Variants in HNRNPDL observed in about 807,000 individuals in gnomAD.
HNRNPDL encodes the protein heterogeneous nuclear ribonucleoprotein D like, also known as heterogeneous nuclear ribonucleoprotein D-like.
HNRNPDL carries 18 observed loss-of-function variants against 48.0 expected under a neutral mutation model. That is an observed-to-expected ratio of 0.38 (90% CI 0.26 to 0.56). HNRNPDL has a LOEUF of 0.56. HNRNPDL is among the 20% of genes least tolerant of loss of function. The pLI is 0.77. For missense variants in HNRNPDL, 553 were observed against 540.7 expected, an observed-to-expected ratio of 1.02 and a Z score of -0.23; for synonymous variants, 306 against 207.3, an observed-to-expected ratio of 1.48 and a Z score of -4.09.
At position 82,428,089 on chromosome 4, in the gene HNRNPDL, C is replaced by A; in HGVS notation, c.703G>T (p.Val235Phe). The A allele has an allele frequency of 6.2e-7, 1 of 1,614,100 alleles. No homozygotes were observed. The highest frequency in any genetic ancestry group is 8.5e-7 in the Non-Finnish European group (1 of 1,179,952). ...TCCGGGCTCAATCCACCCACAAAAACCTTTTTGGGAGGTTCTTTCCCTTTT... is the reference window on the plus strand; with the variant it reads ...TCCGGGCTCAATCCACCCACAAAAAACTTTTTGGGAGGTTCTTTCCCTTTT... ...ALKGKEPPKKVFVGGLSPDTS... is the reference protein window; with the variant it reads ...ALKGKEPPKKFFVGGLSPDTS... The change falls in exon 3 of 8, where the codon GTT becomes TTT. Residue 235 changes from valine (V) to phenylalanine (F), a missense_variant. By Grantham distance (50) the Val-to-Phe change is conservative. Coordinates refer to ENST00000295470, the MANE Select transcript of HNRNPDL (RefSeq NM_031372.4).
Position 82,429,739 on chromosome 4 carries a change from T to C in HNRNPDL, c.-49A>G, listed in dbSNP as rs1464199898. ...AGGCCACGCGTGAGGGGACGCGGGC[T>C]TGGGAGAAGAGAAGAATCAGAAGAG... is the stretch of plus-strand genomic sequence containing the variant. On this transcript the variant is annotated 5_prime_UTR_variant, in exon 1 of 8. Transcript: ENST00000295470. 1 of 1,287,672 alleles carries C rather than the reference T, an allele frequency of 7.8e-7. No homozygotes were observed. The allele number at this position is 1,287,672 out of a possible 1,614,324, so 79.8% of individuals were successfully genotyped here. A position where few individuals can be genotyped will look rare whatever the true frequency, so the allele number is the denominator to read the frequency against.
Position 82,429,569 on chromosome 4 carries a change from A to T in HNRNPDL, c.122T>A (p.Leu41His). Residue 41 changes from leucine (L) to histidine (H), a missense_variant, in exon 1 of 8, where the codon CTC becomes CAC. By Grantham distance (99) the Leu-to-His change is moderately conservative (BLOSUM62 -3). Transcript: ENST00000295470. ...RPRPPRQLAP[L>H]LPSLAPSSAR... Reference sequence around the variant, plus strand: ...GGAGCTGGGAGCGAGCGAAGGGAGGAGCGGGGCTAGCTGCCGCGGCGGCCG... The same window carrying T: ...GGAGCTGGGAGCGAGCGAAGGGAGGTGCGGGGCTAGCTGCCGCGGCGGCCG... The T allele has an allele frequency of 7.1e-7, 1 of 1,414,492 alleles. No individual in the cohort carries two copies. The highest frequency in any genetic ancestry group is 9.2e-7 in the Non-Finnish European group (1 of 1,089,556). The allele number at this position is 1,414,492 out of a possible 1,614,324, so 87.6% of individuals were successfully genotyped here. A position where few individuals can be genotyped will look rare whatever the true frequency, so the allele number is the denominator to read the frequency against.
chr4:82,428,778 TCTCAG>T (rs1018998123), intron 1 of HNRNPDL, among the ~76,000 whole-genome samples: 1 of 152,218 alleles, frequency 6.6e-6, no homozygotes, highest in Non-Finnish European at 1.5e-5. Flanking sequence ...CCATCTTCGT[TCTCAG>T]CTGTCAAGCC....
chr4:82,427,723 G>C (rs894201984), intron 3 of HNRNPDL, among the ~76,000 whole-genome samples, 159 bp from the exon 4 acceptor site: 5 of 152,196 alleles, frequency 3.3e-5, no homozygotes, highest in Admixed American at 2.0e-4. Flanking sequence ...AGCCTACAGT[G>C]ATTTGTTGTA....
intron 7 of HNRNPDL, chr4:82,425,783 C>G: frequency 2.4e-6 from 1 of 423,898 alleles, no homozygotes. Flanking sequence ...TTTAATTATT[C>G]CTCTAGACCA....
chr4:82,429,692 G>A lies in HNRNPDL; in HGVS notation c.-2C>T. ...GGAAAGCCTGGGCGGGACCTCCATC[G>A]CGGCCCTCCCGGCAAGGAGAGAGGC... is the stretch of plus-strand genomic sequence containing the variant. On this transcript the variant is annotated 5_prime_UTR_variant, in exon 1 of 8. Transcript: ENST00000295470. 2 of 1,351,508 alleles carry A rather than the reference G, an allele frequency of 1.5e-6. No individual in the cohort carries two copies. Among genetic ancestry groups the A allele is most frequent in the Non-Finnish European group, 1.9e-6 (2 of 1,053,920 alleles). The allele number at this position is 1,351,508 out of a possible 1,614,324, so 83.7% of individuals were successfully genotyped here. A position where few individuals can be genotyped will look rare whatever the true frequency, so the allele number is the denominator to read the frequency against.
Position 82,427,202 on chromosome 4 carries a change from C to A in HNRNPDL, c.1009G>T (p.Gly337Cys). ...AAAGGRGGTR[G>C]RGRGQGQNWN... ...AATTAAGTCTCACCTCGGCCACGAC[C>A]CCTCGTACCACCTCGTCCACCAGCT... Residue 337 changes from glycine (G) to cysteine (C), a missense_variant, in exon 5 of 8, where the codon GGT becomes TGT. Coordinates refer to ENST00000295470, the MANE Select transcript of HNRNPDL (RefSeq NM_031372.4). 2 of 1,611,558 alleles carry A rather than the reference C, an allele frequency of 1.2e-6. No homozygotes were observed. The highest frequency in any genetic ancestry group is 1.7e-6 in the Non-Finnish European group (2 of 1,177,746).
In HNRNPDL at chr4:82,422,767, T is replaced by C. The variant is rs956706967; in HGVS notation, c.*2139A>G. 1.3e-5 allele frequency: 2 copies of C among 152,190 alleles called. No homozygotes were observed. The highest frequency in any genetic ancestry group is 4.8e-5 in the African/African-American group (2 of 41,442). 9.4% of individuals were successfully genotyped at this position (152,190 alleles called of 1,614,324 possible). A position where few individuals can be genotyped will look rare whatever the true frequency, so the allele number is the denominator to read the frequency against. The stretch of plus-strand genomic sequence containing the variant: ...TTGTTATAGGTACTTTAGAATTAAT[T>C]TCTATCCTCTTCCCGAGGATAACAT... On this transcript the variant is annotated 3_prime_UTR_variant, in exon 8 of 8. Transcript: ENST00000295470.
chr4:82,427,170 T>C lies in HNRNPDL; in HGVS notation c.1021+20A>G. On this transcript the variant is annotated intron_variant, in intron 5 of 7. Transcript: ENST00000295470. ...AGCTTAAATAAACCACGGAGTCATA[T>C]TTCAAGAATTAAGTCTCACCTCGGC... The C allele has an allele frequency of 2.1e-6, 3 of 1,463,174 alleles. No homozygotes were observed. The highest frequency in any genetic ancestry group is 1.9e-6 in the Non-Finnish European group (2 of 1,042,514). The allele number at this position is 1,463,174 out of a possible 1,614,324, so 90.6% of individuals were successfully genotyped here.
chr4:82,429,231 G>C lies in HNRNPDL; in HGVS notation c.443+17C>G, dbSNP rs767979513. On this transcript the variant is annotated intron_variant, in intron 1 of 7. Transcript: ENST00000295470. ...GCGCGCTGGGGGAGGGGGAGCGGGGGAAGAAGCGTGCGGTACCCGTCATCC... is the reference window on the plus strand; with the variant it reads ...GCGCGCTGGGGGAGGGGGAGCGGGGCAAGAAGCGTGCGGTACCCGTCATCC... 6.2e-7 allele frequency: 1 copy of C among 1,611,344 alleles called. No individual in the cohort carries two copies. Among genetic ancestry groups the C allele is most frequent in the Admixed American group, 1.7e-5 (1 of 60,032 alleles).
At chr4:82,427,076 C>G in intron 5 of HNRNPDL, 114 bp downstream of exon 5, 4 of 792,956 alleles carry the variant, frequency 5.0e-6, no homozygotes, top group Non-Finnish European at 8.9e-6. Context: ...AACAGTCCCC[C>G]CTCCGCTGGA....
Position 82,423,419 on chromosome 4 carries a change from G to T in HNRNPDL, c.*1487C>A, listed in dbSNP as rs984045161. On this transcript the variant is annotated 3_prime_UTR_variant, in exon 8 of 8. Coordinates refer to ENST00000295470, the MANE Select transcript of HNRNPDL (RefSeq NM_031372.4). ...CTTCTAACAGCCAACATTGGTACTTGGCCTAAGTTTAAGAATAGCAAAACA... is the reference window on the plus strand; with the variant it reads ...CTTCTAACAGCCAACATTGGTACTTTGCCTAAGTTTAAGAATAGCAAAACA... The T allele has an allele frequency of 2.6e-5, 4 of 152,016 alleles. No individual in the cohort carries two copies. Among genetic ancestry groups the T allele is most frequent in the African/African-American group, 9.7e-5 (4 of 41,366 alleles). The allele number at this position is 152,016 out of a possible 1,614,324, so 9.4% of individuals were successfully genotyped here. A position where few individuals can be genotyped will look rare whatever the true frequency, so the allele number is the denominator to read the frequency against.
At chr4:82,426,010 A>G (rs375152625) in intron 7 of HNRNPDL, 27 bp downstream of exon 7, 4 of 1,324,514 alleles carry the variant, frequency 3.0e-6, no homozygotes, top group African/African-American at 1.4e-5. Flanking sequence ...AGACATTTCT[A>G]CTGTTTTCCT....
In HNRNPDL at chr4:82,424,141, C is replaced by T. The variant is rs904132019; in HGVS notation, c.*765G>A. ...CATAGCTCCTACCAGTTTTACAGTG[C>T]TCCTTTTGTATCTGAACTTTTATCA... On this transcript the variant is annotated 3_prime_UTR_variant, in exon 8 of 8. Coordinates refer to ENST00000295470, the MANE Select transcript of HNRNPDL (RefSeq NM_031372.4). 4.6e-5 allele frequency: 7 copies of T among 152,200 alleles called. No individual in the cohort carries two copies. The highest frequency in any genetic ancestry group is 6.5e-5 in the Admixed American group (1 of 15,284). The allele number at this position is 152,200 out of a possible 1,614,324, so 9.4% of individuals were successfully genotyped here.
In HNRNPDL at chr4:82,427,950, T is replaced by C. The variant is rs559526547; in HGVS notation, c.774+68A>G. The C allele has an allele frequency of 6.6e-5, 97 of 1,463,204 alleles. 2 individuals carry two copies. In the African/African-American group the frequency reaches 1.2e-3, roughly 18 times the overall value. The allele number at this position is 1,463,204 out of a possible 1,614,324, so 90.6% of individuals were successfully genotyped here. On this transcript the variant is annotated intron_variant, in intron 3 of 7. Coordinates refer to ENST00000295470, the MANE Select transcript of HNRNPDL (RefSeq NM_031372.4). ...ACAGGAAACATGAATCTGCCCTGCA[T>C]AAATCGGACAAGGATTGAACATTTT...
In HNRNPDL at chr4:82,427,471, A is replaced by G. The variant is rs952943412; in HGVS notation, c.868T>C (p.Leu290=). Residue 290 remains leucine, a synonymous_variant, in exon 4 of 8, where the codon TTG becomes CTG. Coordinates refer to ENST00000295470, the MANE Select transcript of HNRNPDL (RefSeq NM_031372.4). ...TYTDEEPVKK[L]LESRYHQIGS... is the part of the protein sequence containing the mutation. ...ATTTGATGGTATCTGCTTTCTAACAATTTTTTTACTGGCTCTTCATCAGTA... is the reference window on the plus strand; with the variant it reads ...ATTTGATGGTATCTGCTTTCTAACAGTTTTTTTACTGGCTCTTCATCAGTA... 38 of 1,610,298 alleles carry G rather than the reference A, an allele frequency of 2.4e-5. No homozygotes were observed. Among genetic ancestry groups the G allele is most frequent in the African/African-American group, 2.7e-5 (2 of 74,758 alleles).
At chr4:82,428,482 T>C (rs140334420) in intron 1 of HNRNPDL, 36 bp from the exon 2 acceptor site, 34 of 1,491,778 alleles carry the variant, frequency 2.3e-5, no homozygotes, top group Non-Finnish European at 2.9e-5. Flanking sequence ...AAATTAACAA[T>C]AACTCAAATG....
chr4:82,429,530 G>GC lies in HNRNPDL; in HGVS notation c.160dup (p.Ala54GlyfsTer38). On this transcript the variant is annotated frameshift_variant, in exon 1 of 8. Transcript: ENST00000295470. LOFTEE classifies it high-confidence loss of function. Reference sequence around the variant, plus strand: ...GGTGACGTGGCGCTGGGCCCGGCGCGCCCCCTGCCGGGCGGAGCTGGGAGC... The same window carrying GC: ...GGTGACGTGGCGCTGGGCCCGGCGCGCCCCCCTGCCGGGCGGAGCTGGGAGC... 1 of 1,483,364 alleles carries GC rather than the reference G, an allele frequency of 6.7e-7. No individual in the cohort carries two copies. Among genetic ancestry groups the GC allele is most frequent in the South Asian group, 1.3e-5 (1 of 75,992 alleles). The allele number at this position is 1,483,364 out of a possible 1,614,324, so 91.9% of individuals were successfully genotyped here. A position where few individuals can be genotyped will look rare whatever the true frequency, so the allele number is the denominator to read the frequency against.
At position 82,429,581 on chromosome 4, in the gene HNRNPDL, T is replaced by C; in HGVS notation, c.110A>G (p.Gln37Arg). ...LSHWRPRPPR[Q>R]LAPLLPSLAP... ...GAGCGAAGGGAGGAGCGGGGCTAGC[T>C]GCCGCGGCGGCCGCGGCCGCCAATG... The change falls in exon 1 of 8, where the codon CAG becomes CGG. Residue 37 changes from glutamine (Q) to arginine (R), a missense_variant. This residue lies in a region of HNRNPDL where 327 missense variants were observed against 203.2 expected (regional missense o/e 1.61). Coordinates refer to ENST00000295470, the MANE Select transcript of HNRNPDL (RefSeq NM_031372.4). The C allele has an allele frequency of 2.2e-6, 3 of 1,383,838 alleles. No individual in the cohort carries two copies. The highest frequency in any genetic ancestry group is 2.8e-6 in the Non-Finnish European group (3 of 1,073,536). 85.7% of individuals were successfully genotyped at this position (1,383,838 alleles called of 1,614,324 possible). A position where few individuals can be genotyped will look rare whatever the true frequency, so the allele number is the denominator to read the frequency against.
Sources: gnomAD v4.1 joint callset for allele counts (sites outside exome capture counted in the v4.1 genomes callset) on GRCh38, gnomAD v4.1.1 for gene constraint, gnomAD v4.1.1 regional missense constraint, MANE v1.5 for transcripts, NCBI Gene and HGNC (gene_info 2026-07-23, HGNC 2026-07-21) for gene names.